Variants in MARCHF4 observed in about 807,000 individuals in gnomAD.
MARCHF4 encodes membrane associated ring-CH-type finger 4.
MARCHF4 carries 14 observed loss-of-function variants against 43.9 expected under a neutral mutation model. That is an observed-to-expected ratio of 0.32 (90% confidence interval 0.21 to 0.50). The LOEUF is 0.50. MARCHF4 is among the 20% of genes least tolerant of loss of function. The pLI is 0.98. For synonymous variants in MARCHF4, 226 were observed against 213.3 expected (o/e 1.06, Z -0.52); for missense variants, 468 against 536.7 (o/e 0.87, Z 1.27).
rs1209550310 is a variant in MARCHF4 at position 216,300,303 on chromosome 2, CAT to C, written c.517-16576_517-16575del. On this transcript the variant is annotated intron_variant, in intron 1 of 3. Coordinates refer to ENST00000273067, the MANE Select transcript of MARCHF4 (RefSeq NM_020814.3). ...CATCATTTGAATTTTTTCTTAAATGCATATATATATGTGCATATATATATGTC... is the reference window on the plus strand; with the variant it reads ...CATCATTTGAATTTTTTCTTAAATGCATATATATGTGCATATATATATGTC... Among the ~76,000 whole-genome samples, 70 of 141,020 alleles carry C rather than the reference CAT, an allele frequency of 5.0e-4. 1 individual carries two copies. The highest frequency in any genetic ancestry group is 2.1e-3 in the African/African-American group (68 of 32,550). The allele number at this position is 141,020 out of a possible 152,430, so 92.5% of individuals were successfully genotyped here.
intron 1 of MARCHF4, among the ~76,000 whole-genome samples, chr2:216,302,021 A>G (rs1028335029): frequency 7.9e-5 from 12 of 152,192 alleles, no homozygotes; most frequent in Non-Finnish European, 1.6e-4. Context: ...TGTTGGCAAA[A>G]AGCAAAGCAG....
rs780064193 is a variant in MARCHF4, at chr2:216,296,301, G to A, written c.517-12572C>T. On this transcript the variant is annotated intron_variant, in intron 1 of 3. Transcript: ENST00000273067. Reference sequence around the variant, plus strand: ...GCAGAGGTTGCAGTGGGCTGAGATCGTGCCACTGCACTCCAGTCTGGGCGA... The same window carrying A: ...GCAGAGGTTGCAGTGGGCTGAGATCATGCCACTGCACTCCAGTCTGGGCGA... Among the ~76,000 whole-genome samples the A allele has an allele frequency of 1.6e-4, 24 of 152,320 alleles. No individual in the cohort carries two copies. The South Asian group carries it at 3.5e-3, about 22-fold the overall frequency.
chr2:216,269,485 C>A (rs554442109), intron 3 of MARCHF4, among the ~76,000 whole-genome samples: 15 of 152,294 alleles, frequency 9.8e-5, no homozygotes, highest in Middle Eastern at 3.4e-3. Context: ...AGAAAAAGCA[C>A]TACTCCAAAT....
intron 3 of MARCHF4, chr2:216,266,096 T>C (rs969355268): frequency 6.6e-6 from 1 of 152,174 alleles, no homozygotes; most frequent in Non-Finnish European, 1.5e-5. Context: ...AAGAAATAAA[T>C]ACTTCCTCTC....
At chr2:216,267,253 C>A (rs1277208230) in intron 3 of MARCHF4, among the ~76,000 whole-genome samples, 1 of 152,144 alleles carries the variant, frequency 6.6e-6, no homozygotes, top group Non-Finnish European at 1.5e-5. Context: ...AATGTGACCA[C>A]AAGCCAGGCC....
At chr2:216,265,965 C>G (rs1037394303) in intron 3 of MARCHF4, 1 of 152,154 alleles carries the variant, frequency 6.6e-6, no homozygotes, top group Admixed American at 6.5e-5. Flanking sequence ...GACTGCTAGG[C>G]TAGGACATGG....
In MARCHF4 at chr2:216,328,079, T is replaced by C. The variant is rs115014834; in HGVS notation, c.516+41666A>G. Among the ~76,000 whole-genome samples, 1,327 of 152,292 alleles carry C rather than the reference T, an allele frequency of 8.7e-3. 20 individuals are homozygous for C. The highest frequency in any genetic ancestry group is 0.03 in the African/African-American group (1,247 of 41,552). ...AGCTTATAATCCCTGTTGTAGTTCATACAGTGCTTTTACATCTACTACCTC... is the reference window on the plus strand; with the variant it reads ...AGCTTATAATCCCTGTTGTAGTTCACACAGTGCTTTTACATCTACTACCTC... On this transcript the variant is annotated intron_variant, in intron 1 of 3. Coordinates refer to ENST00000273067, the MANE Select transcript of MARCHF4 (RefSeq NM_020814.3).
intron 3 of MARCHF4, among the ~76,000 whole-genome samples, chr2:216,262,992 C>T (rs970138678): frequency 6.6e-6 from 1 of 152,160 alleles, no homozygotes; most frequent in Non-Finnish European, 1.5e-5. Flanking sequence ...GGGGTACAGG[C>T]CCATCTCTGC....
chr2:216,279,943 C>T (rs551833872), intron 2 of MARCHF4, among the ~76,000 whole-genome samples: 3 of 152,282 alleles, frequency 2.0e-5, no homozygotes, highest in South Asian at 4.2e-4. Flanking sequence ...ATCCATCATC[C>T]TCACTTTCTC....
chr2:216,289,999 T>G (rs911024112), intron 1 of MARCHF4, among the ~76,000 whole-genome samples: 4 of 152,224 alleles, frequency 2.6e-5, no homozygotes, highest in African/African-American at 9.7e-5. Flanking sequence ...ATTTATTCAT[T>G]AAATATTTAT....
At chr2:216,290,003 T>C (rs1415130998) in intron 1 of MARCHF4, among the ~76,000 whole-genome samples, 1 of 152,254 alleles carries the variant, frequency 6.6e-6, no homozygotes, top group Admixed American at 6.5e-5. Flanking sequence ...ATTCATTAAA[T>C]ATTTATCTAC....
chr2:216,259,763 T>G (rs1690711666), intron 3 of MARCHF4, 84 bp from the exon 4 acceptor site: 1 of 1,369,636 alleles, frequency 7.3e-7, no homozygotes, highest in Admixed American at 1.9e-5. Context: ...TCTGAATCTA[T>G]GCAAGGTATG....
chr2:216,332,750 C>T (rs1043078990), intron 1 of MARCHF4, among the ~76,000 whole-genome samples: 9 of 151,978 alleles, frequency 5.9e-5, no homozygotes, highest in Non-Finnish European at 1.2e-4. Context: ...GTCTGAACTA[C>T]CAGATATTAA....
At position 216,261,775 on chromosome 2, in the gene MARCHF4, G is replaced by C. The variant is rs1487822716; in HGVS notation, c.866-2096C>G. Among the ~76,000 whole-genome samples the C allele has an allele frequency of 2.0e-5, 3 of 152,204 alleles. No individual in the cohort carries two copies. In the East Asian group the frequency reaches 5.8e-4, roughly 29 times the overall value. On this transcript the variant is annotated intron_variant, in intron 3 of 3. Coordinates refer to ENST00000273067, the MANE Select transcript of MARCHF4 (RefSeq NM_020814.3). Reference sequence around the variant, plus strand: ...GAAATGGCTGAGACCTCTTAGGGAAGAGAAGAAGGCCAAAGACAGAGCCCT... The same window carrying C: ...GAAATGGCTGAGACCTCTTAGGGAACAGAAGAAGGCCAAAGACAGAGCCCT...
At chr2:216,267,256 G>C (rs191662737) in intron 3 of MARCHF4, among the ~76,000 whole-genome samples, 1 of 152,152 alleles carries the variant, frequency 6.6e-6, no homozygotes, top group African/African-American at 2.4e-5. Flanking sequence ...GTGACCACAA[G>C]CCAGGCCAGC....
rs1574477305 is a variant in MARCHF4, at chr2:216,323,321, A to G, written c.517-39592T>C. 2.6e-5 allele frequency among the ~76,000 whole-genome samples: 4 copies of G among 152,308 alleles called. No individual in the cohort carries two copies. The East Asian group carries it at 7.7e-4, about 29-fold the overall frequency. On this transcript the variant is annotated intron_variant, in intron 1 of 3. Coordinates refer to ENST00000273067, the MANE Select transcript of MARCHF4 (RefSeq NM_020814.3). ...GTTGGAGAGGTTTGTATGTAATTTT[A>G]TCACCCTGAATTTCAGTTTCAGCAC...
At chr2:216,328,581 A>T (rs1255743036) in intron 1 of MARCHF4, among the ~76,000 whole-genome samples, 1 of 152,192 alleles carries the variant, frequency 6.6e-6, no homozygotes, top group Non-Finnish European at 1.5e-5. Context: ...TTCACTTCTT[A>T]GTGAGTGGAG....
chr2:216,289,979 C>A (rs1691283492), intron 1 of MARCHF4, among the ~76,000 whole-genome samples: 1 of 152,172 alleles, frequency 6.6e-6, no homozygotes, highest in African/African-American at 2.4e-5. Context: ...CTGGGCCTTG[C>A]TCAATTATCA....
Position 216,260,580 on chromosome 2 carries a change from G to A in MARCHF4, c.866-901C>T, listed in dbSNP as rs563197749. ...CTCCAAGTGCAAAGGCCAGGAGCTGGGAATGGAATGAACAAGGTCAGAGAG... is the reference window on the plus strand; with the variant it reads ...CTCCAAGTGCAAAGGCCAGGAGCTGAGAATGGAATGAACAAGGTCAGAGAG... On this transcript the variant is annotated intron_variant, in intron 3 of 3. Transcript: ENST00000273067. Among the ~76,000 whole-genome samples the A allele has an allele frequency of 2.6e-4, 40 of 152,302 alleles. No individual in the cohort carries two copies. The South Asian group carries it at 7.7e-3, about 29-fold the overall frequency.
Sources: gnomAD v4.1 joint callset for allele counts (sites outside exome capture counted in the v4.1 genomes callset) on GRCh38, gnomAD v4.1.1 for gene constraint, MANE v1.5 for transcripts, NCBI Gene and HGNC (gene_info 2026-07-23, HGNC 2026-07-21) for gene names.